The following FGFR2 variants were observed in gnomAD, a reference collection of about 807,000 sequenced individuals.
FGFR2 encodes fibroblast growth factor receptor 2.
A neutral mutation model predicts 95.9 loss-of-function variants in FGFR2; 19 were observed. That is an observed-to-expected ratio of 0.20 (90% CI 0.14 to 0.29). The LOEUF (loss-of-function observed/expected upper bound fraction) is 0.29, where lower values mean the gene tolerates loss of function less well. FGFR2 is among the 10% of genes least tolerant of loss of function. The pLI, the probability that FGFR2 is intolerant of heterozygous loss-of-function variation, is 1.00. For synonymous variants in FGFR2, 392 were observed against 393.3 expected (o/e 1.00, Z 0.04); for missense variants, 707 against 1,056.9 (o/e 0.67, Z 4.59).
rs57061338 is a variant in FGFR2 at position 121,548,245 on chromosome 10, C to CTTTTTTTTTTTTTTTTTTTT, written c.624+3025_624+3044dup. ...TGTGTGGCCCTCTGCCGCTTTTGGC[C>CTTTTTTTTTTTTTTTTTTTT]TTTTTTTTTTTTTTTTTTTTTTTTT... is the stretch of plus-strand genomic sequence containing the variant. On this transcript the variant is annotated intron_variant, in intron 5 of 17. Coordinates refer to ENST00000358487, the MANE Select transcript of FGFR2 (RefSeq NM_000141.5). Among the ~76,000 whole-genome samples the CTTTTTTTTTTTTTTTTTTTT allele has an allele frequency of 4.9e-4, 23 of 46,700 alleles. 2 individuals carry two copies. The highest frequency in any genetic ancestry group is 1.1e-3 in the East Asian group (1 of 934). 30.6% of individuals were successfully genotyped at this position (46,700 alleles called of 152,430 possible).
intron 5 of FGFR2, among the ~76,000 whole-genome samples, chr10:121,546,678 G>A (rs113346221): frequency 6.6e-6 from 1 of 151,912 alleles, no homozygotes. Flanking sequence ...TTTATAGGCC[G>A]CACATGCATG....
intron 2 of FGFR2, among the ~76,000 whole-genome samples, chr10:121,571,277 G>GGT (rs1298354709): frequency 1.5e-5 from 2 of 135,006 alleles, no homozygotes; most frequent in South Asian, 2.5e-4. Context: ...TTACAGGCGT[G>GGT]AGCCACCGTG....
At chr10:121,541,519 C>T (rs1368198954) in intron 5 of FGFR2, among the ~76,000 whole-genome samples, 1 of 152,122 alleles carries the variant, frequency 6.6e-6, no homozygotes, top group Non-Finnish European at 1.5e-5. Flanking sequence ...ACCACTCTTC[C>T]GACGTAATAT....
chr10:121,483,549 C>A (rs1035533886), intron 17 of FGFR2, 149 bp downstream of exon 17: 6 of 662,092 alleles, frequency 9.1e-6, no homozygotes, highest in African/African-American at 1.8e-5. Context: ...TTGAGAGGAA[C>A]CCATAGTTGA....
rs993446771 is a variant in FGFR2 at position 121,598,332 on chromosome 10, G to A, written c.-521C>T. Reference sequence around the variant, plus strand: ...AGCCCGGAGAGCAGTCGCCGCGCCGGGCCAGGTACGCCGCATGCAGCCCCG... The same window carrying A: ...AGCCCGGAGAGCAGTCGCCGCGCCGAGCCAGGTACGCCGCATGCAGCCCCG... On this transcript the variant is annotated 5_prime_UTR_variant, in exon 1 of 18. Coordinates refer to ENST00000358487, the MANE Select transcript of FGFR2 (RefSeq NM_000141.5). 2.7e-5 allele frequency: 8 copies of A among 298,634 alleles called. No individual in the cohort carries two copies. The highest frequency in any genetic ancestry group is 1.8e-4 in the African/African-American group (8 of 45,322). The allele number at this position is 298,634 out of a possible 1,614,324, so 18.5% of individuals were successfully genotyped here.
chr10:121,552,699 T>C (rs1589960825), intron 4 of FGFR2, among the ~76,000 whole-genome samples: 1 of 152,234 alleles, frequency 6.6e-6, no homozygotes, highest in East Asian at 1.9e-4. Flanking sequence ...GTCCTCCTTT[T>C]TTCCTGTCCA....
At chr10:121,545,956 G>A (rs376273823) in intron 5 of FGFR2, among the ~76,000 whole-genome samples, 34 of 152,228 alleles carry the variant, frequency 2.2e-4, no homozygotes, top group East Asian at 1.7e-3. Context: ...TCACAGTCAC[G>A]TTGAATGAGC....
At chr10:121,544,133 T>C (rs1468965712) in intron 5 of FGFR2, among the ~76,000 whole-genome samples, 1 of 152,214 alleles carries the variant, frequency 6.6e-6, no homozygotes, top group African/African-American at 2.4e-5. Flanking sequence ...ACCCAAGTGA[T>C]CATCATCAGA....
rs569439202 is a variant in FGFR2, at chr10:121,515,489, T to C, written c.1085-170A>G. Among the ~76,000 whole-genome samples, 3 of 152,154 alleles carry C rather than the reference T, an allele frequency of 2.0e-5. No homozygotes were observed. The East Asian group carries it at 5.8e-4, about 29-fold the overall frequency. On this transcript the variant is annotated intron_variant, in intron 8 of 17. Coordinates refer to ENST00000358487, the MANE Select transcript of FGFR2 (RefSeq NM_000141.5). ...AAAATGAATAACCAGGGGTCCATCA[T>C]TTGACCACCAGGACCCAGGTAGTCA...
chr10:121,561,855 A>C (rs1018159437), intron 4 of FGFR2, among the ~76,000 whole-genome samples: 2 of 152,250 alleles, frequency 1.3e-5, no homozygotes, highest in African/African-American at 2.4e-5. Flanking sequence ...AAGAAAACAA[A>C]CAACCTAATT....
intron 6 of FGFR2, among the ~76,000 whole-genome samples, chr10:121,520,546 T>A (rs770896219): frequency 6.6e-6 from 1 of 152,214 alleles, no homozygotes; most frequent in South Asian, 2.1e-4. Context: ...AAAACTCACC[T>A]CAACCACAAG....
intron 4 of FGFR2, among the ~76,000 whole-genome samples, chr10:121,552,613 G>T (rs137986162): frequency 6.6e-6 from 1 of 152,272 alleles, no homozygotes; most frequent in East Asian, 1.9e-4. Flanking sequence ...TTCTCCACGA[G>T]GTTGGAATCC....
intron 12 of FGFR2, among the ~76,000 whole-genome samples, chr10:121,497,008 A>G (rs1846933318): frequency 1.3e-5 from 2 of 151,466 alleles, no homozygotes; most frequent in Non-Finnish European, 3.0e-5. Context: ...ACACACACCT[A>G]TAGTCCCAGC....
At chr10:121,579,063 C>G (rs1045140869) in intron 2 of FGFR2, among the ~76,000 whole-genome samples, 1 of 152,186 alleles carries the variant, frequency 6.6e-6, no homozygotes, top group African/African-American at 2.4e-5. Context: ...ACTTTGAGAC[C>G]CGCCTCTGCC....
chr10:121,488,360 G>A (rs1845697059), intron 13 of FGFR2, among the ~76,000 whole-genome samples: 1 of 151,910 alleles, frequency 6.6e-6, no homozygotes, highest in Admixed American at 6.6e-5. Context: ...GGCCAACACG[G>A]CAAAATCCCA....
intron 8 of FGFR2, among the ~76,000 whole-genome samples, chr10:121,516,246 G>A (rs534181671): frequency 6.6e-6 from 1 of 152,256 alleles, no homozygotes; most frequent in South Asian, 2.1e-4. Context: ...TGCCAGTTAG[G>A]CACCACAGAA....
In FGFR2 at chr10:121,479,682, T is replaced by C. The variant is rs562615339; in HGVS notation, c.*175A>G. The C allele has an allele frequency of 1.3e-6, 2 of 1,560,680 alleles. No homozygotes were observed. Among genetic ancestry groups the C allele is most frequent in the East Asian group, 2.4e-5 (1 of 41,746 alleles). On this transcript the variant is annotated 3_prime_UTR_variant, in exon 18 of 18. Transcript: ENST00000358487. ...ACCTTCTTCTCCTCCTGGGGAAGATTACAAGTTTTCAACTGTATAAATCTT... is the reference window on the plus strand; with the variant it reads ...ACCTTCTTCTCCTCCTGGGGAAGATCACAAGTTTTCAACTGTATAAATCTT...
At chr10:121,505,742 C>A (rs1848182076) in intron 9 of FGFR2, among the ~76,000 whole-genome samples, 1 of 152,196 alleles carries the variant, frequency 6.6e-6, no homozygotes, top group Non-Finnish European at 1.5e-5. Context: ...GTCTGCGGGA[C>A]ACATCAGAAG....
chr10:121,538,326 G>T, intron 6 of FGFR2: 1 of 780,928 alleles, frequency 1.3e-6, no homozygotes, highest in South Asian at 1.3e-5. Context: ...CTTCCAAAAT[G>T]TCAGACATTT....
Sources: allele counts gnomAD v4.1 joint callset (sites outside exome capture counted in the v4.1 genomes callset), GRCh38; gene constraint gnomAD v4.1.1; transcripts MANE v1.5; gene names NCBI Gene and HGNC (gene_info 2026-07-23, HGNC 2026-07-21).